GABRB1: variants seen among roughly 807,000 people sequenced by gnomAD.
GABRB1 encodes the protein gamma-aminobutyric acid receptor subunit beta-1.
Under a neutral mutation model 51.6 loss-of-function variants are expected in GABRB1, and 17 were observed. The observed-to-expected ratio is 0.33, with a 90% CI of 0.23 to 0.49. The LOEUF is 0.49. GABRB1 is among the 20% of genes least tolerant of loss of function. The pLI, the probability that GABRB1 is intolerant of heterozygous loss-of-function variation, is 0.99. For missense variants in GABRB1, 410 were observed against 600.6 expected, an observed-to-expected ratio of 0.68 and a Z score of 3.32; for synonymous variants, 247 against 218.9, an observed-to-expected ratio of 1.13 and a Z score of -1.14.
At position 47,079,786 on chromosome 4, in the gene GABRB1, G is replaced by T. The variant is rs567856178; in HGVS notation, c.240+47302G>T. Among the ~76,000 whole-genome samples the T allele has an allele frequency of 4.4e-4, 63 of 143,908 alleles. No individual in the cohort carries two copies. In the South Asian group the frequency reaches 0.014, roughly 32 times the overall value. The allele number at this position is 143,908 out of a possible 152,430, so 94.4% of individuals were successfully genotyped here. On this transcript the variant is annotated intron_variant, in intron 3 of 8. Transcript: ENST00000295454. Reference sequence around the variant, plus strand: ...CACCACATGTTCTCACTCATAGGTGGGAACTGAACAATGAGAACACATGGA... The same window carrying T: ...CACCACATGTTCTCACTCATAGGTGTGAACTGAACAATGAGAACACATGGA...
intron 1 of GABRB1, among the ~76,000 whole-genome samples, chr4:47,002,455 A>T (rs1394713230): frequency 6.6e-6 from 1 of 152,234 alleles, no homozygotes; most frequent in Non-Finnish European, 1.5e-5. Context: ...AGAAGAAAAC[A>T]CAAATTAAAC....
At chr4:47,157,393 A>T (rs1444318670) in intron 3 of GABRB1, among the ~76,000 whole-genome samples, 1 of 152,176 alleles carries the variant, frequency 6.6e-6, no homozygotes, top group African/African-American at 2.4e-5. Context: ...ACAGCAATTT[A>T]GAGGCTTTCT....
At chr4:47,148,757 A>G (rs755312455) in intron 3 of GABRB1, among the ~76,000 whole-genome samples, 2 of 151,718 alleles carry the variant, frequency 1.3e-5, no homozygotes, top group African/African-American at 4.8e-5. Flanking sequence ...CACACAGAGG[A>G]CATCATGGCA....
chr4:47,110,821 C>T (rs563489639), intron 3 of GABRB1, among the ~76,000 whole-genome samples: 13 of 152,060 alleles, frequency 8.5e-5, no homozygotes, highest in Non-Finnish European at 1.6e-4. Context: ...GAAGTGATTA[C>T]CAAAATGTGA....
intron 5 of GABRB1, among the ~76,000 whole-genome samples, chr4:47,389,401 A>G (rs183193453): frequency 2.6e-5 from 4 of 152,150 alleles, no homozygotes; most frequent in African/African-American, 7.2e-5. Flanking sequence ...CAGTGCTTAG[A>G]TTTATCATGC....
At chr4:47,281,592 C>T (rs1439110923) in intron 4 of GABRB1, among the ~76,000 whole-genome samples, 2 of 152,204 alleles carry the variant, frequency 1.3e-5, no homozygotes, top group South Asian at 2.1e-4. Flanking sequence ...GATATCTGCA[C>T]TTCTATGTTT....
chr4:47,041,949 T>C (rs866526628), intron 3 of GABRB1, among the ~76,000 whole-genome samples: 10 of 152,030 alleles, frequency 6.6e-5, no homozygotes, highest in African/African-American at 2.4e-4. Flanking sequence ...GAGAGAATTA[T>C]ACTGGAGAAA....
chr4:47,189,728 T>C (rs937534179), intron 4 of GABRB1, among the ~76,000 whole-genome samples: 1 of 152,038 alleles, frequency 6.6e-6, no homozygotes, highest in Non-Finnish European at 1.5e-5. Context: ...TACTGCCACA[T>C]TGGAATATTA....
At chr4:47,018,454 G>T (rs1453917694) in intron 1 of GABRB1, among the ~76,000 whole-genome samples, 1 of 152,082 alleles carries the variant, frequency 6.6e-6, no homozygotes, top group Non-Finnish European at 1.5e-5. Context: ...AAAACAGTAT[G>T]ATAATGTCAG....
At chr4:47,000,361 C>T (rs6447520) in intron 1 of GABRB1, among the ~76,000 whole-genome samples, 74,073 of 151,984 alleles carry the variant, frequency 0.49, 18,417 homozygotes, top group East Asian at 0.61. Context: ...ATTAAAAATA[C>T]CTCAAGCAAA....
chr4:47,184,509 C>T (rs774309225), intron 4 of GABRB1, among the ~76,000 whole-genome samples: 3 of 151,920 alleles, frequency 2.0e-5, no homozygotes, highest in Non-Finnish European at 2.9e-5. Flanking sequence ...AAAAGATGCA[C>T]TCAAGTGATA....
intron 4 of GABRB1, among the ~76,000 whole-genome samples, chr4:47,239,234 C>A (rs1721435281): frequency 6.6e-6 from 1 of 152,140 alleles, no homozygotes; most frequent in Admixed American, 6.5e-5. Flanking sequence ...AAACTCTTCC[C>A]AGACAATGCT....
chr4:47,229,061 T>C (rs1033575035), intron 4 of GABRB1, among the ~76,000 whole-genome samples: 13 of 152,312 alleles, frequency 8.5e-5, no homozygotes, highest in African/African-American at 2.2e-4. Context: ...CTAACACTTA[T>C]GTGAAATAAT....
At chr4:47,368,176 C>T (rs573441782) in intron 5 of GABRB1, among the ~76,000 whole-genome samples, 3 of 152,262 alleles carry the variant, frequency 2.0e-5, no homozygotes, top group African/African-American at 7.2e-5. Context: ...GAATCTCCAC[C>T]CCTGCTTATG....
At chr4:47,056,267 A>G (rs1271902040) in intron 3 of GABRB1, among the ~76,000 whole-genome samples, 2 of 152,178 alleles carry the variant, frequency 1.3e-5, no homozygotes, top group Admixed American at 6.5e-5. Context: ...GAAAATTTAA[A>G]ATCAATATTT....
upstream of GABRB1, chr4:47,031,245 C>T (rs1445942404): frequency 5.2e-6 from 1 of 194,084 alleles, no homozygotes; most frequent in Non-Finnish European, 1.1e-5. Context: ...CTAGGACCTC[C>T]CTGACTGTCA....
At chr4:47,096,597 A>C (rs959314303) in intron 3 of GABRB1, among the ~76,000 whole-genome samples, 3 of 152,276 alleles carry the variant, frequency 2.0e-5, no homozygotes, top group South Asian at 2.1e-4. Context: ...AAGGACCTTG[A>C]GATGGGGAGA....
At chr4:47,113,092 TA>T (rs1186684722) in intron 3 of GABRB1, among the ~76,000 whole-genome samples, 1 of 151,558 alleles carries the variant, frequency 6.6e-6, no homozygotes, top group African/African-American at 2.4e-5. Context: ...TCACAGAAAA[TA>T]AAAAAATCAG....
At chr4:47,038,497 GTAA>G (rs1725693899) in intron 3 of GABRB1, among the ~76,000 whole-genome samples, 1 of 152,178 alleles carries the variant, frequency 6.6e-6, no homozygotes, top group African/African-American at 2.4e-5. Flanking sequence ...CACAACTGAA[GTAA>G]TAATTTTTTT....
Sources: gnomAD v4.1 joint callset for allele counts (sites outside exome capture counted in the v4.1 genomes callset) on GRCh38, gnomAD v4.1.1 for gene constraint, MANE v1.5 for transcripts, NCBI Gene and HGNC (gene_info 2026-07-23, HGNC 2026-07-21) for gene names.